Variants in MAML2 observed in about 807,000 individuals in gnomAD.
MAML2 encodes mastermind-like protein 2.
A neutral mutation model predicts 96.1 loss-of-function variants in MAML2; 22 were observed. That is an observed-to-expected ratio of 0.23 (90% CI 0.16 to 0.33). The LOEUF (loss-of-function observed/expected upper bound fraction) is 0.33. MAML2 is among the 10% of genes least tolerant of loss of function. The pLI is 1.00. For missense variants in MAML2, 1,367 were observed against 1,392.4 expected (o/e 0.98, Z 0.29); for synonymous variants, 561 against 521.3 (o/e 1.08, Z -1.04).
At chr11:95,990,198 T>C (rs1169367985) in intron 3 of MAML2, among the ~76,000 whole-genome samples, 1 of 152,212 alleles carries the variant, frequency 6.6e-6, no homozygotes. Flanking sequence ...TTTTATACTT[T>C]TTAGTATATT....
chr11:96,104,839 C>T (rs916151386), intron 1 of MAML2, among the ~76,000 whole-genome samples: 1 of 147,904 alleles, frequency 6.8e-6, no homozygotes, highest in Admixed American at 6.9e-5. Context: ...GGGAGAGGGG[C>T]AATGAAAGGG....
intron 1 of MAML2, among the ~76,000 whole-genome samples, chr11:96,149,028 G>T (rs546826469): frequency 4.3e-4 from 66 of 152,198 alleles, no homozygotes; most frequent in Admixed American, 4.1e-3. Flanking sequence ...CCTCTTAAAG[G>T]TTCCAGTAGC....
intron 1 of MAML2, among the ~76,000 whole-genome samples, chr11:96,339,295 G>A (rs1019420735): frequency 2.6e-5 from 4 of 152,130 alleles, no homozygotes; most frequent in African/African-American, 9.7e-5. Context: ...GTCGGGAAGG[G>A]CCAGACACCG....
At chr11:96,031,247 A>G (rs1858608876) in intron 2 of MAML2, among the ~76,000 whole-genome samples, 1 of 151,952 alleles carries the variant, frequency 6.6e-6, no homozygotes, top group Non-Finnish European at 1.5e-5. Flanking sequence ...TTCTTTTCTC[A>G]CTGGATACCA....
At chr11:96,151,128 G>A (rs1438361626) in intron 1 of MAML2, among the ~76,000 whole-genome samples, 1 of 152,040 alleles carries the variant, frequency 6.6e-6, no homozygotes, top group Admixed American at 6.6e-5. Flanking sequence ...AAACTCCCTC[G>A]TCTAATTTTC....
chr11:95,983,072 C>A (rs1591076287), intron 4 of MAML2, among the ~76,000 whole-genome samples: 1 of 152,056 alleles, frequency 6.6e-6, no homozygotes, highest in Admixed American at 6.5e-5. Context: ...TGTAAAACAG[C>A]CTCAGGCAGG....
In MAML2 at chr11:95,985,604, C is replaced by T. The variant is rs1305141118; in HGVS notation, c.2382G>A (p.Leu794=). 3 of 1,612,554 alleles carry T rather than the reference C, an allele frequency of 1.9e-6. No individual in the cohort carries two copies. The highest frequency in any genetic ancestry group is 2.2e-5 in the South Asian group (2 of 90,896). The change falls in exon 4 of 5, where the codon TTG becomes TTA. Residue 794 remains leucine, a synonymous_variant. Coordinates refer to ENST00000524717, the MANE Select transcript of MAML2 (RefSeq NM_032427.4). ...IAPQDQINRH[L]SRPPPDYKDQ... ...CTTTATAATCTGGAGGTGGCCTTGACAAATGTCGGTTTATCTGATCTTGTG... is the reference window on the plus strand; with the variant it reads ...CTTTATAATCTGGAGGTGGCCTTGATAAATGTCGGTTTATCTGATCTTGTG...
chr11:96,316,664 C>A (rs992206010), intron 1 of MAML2, among the ~76,000 whole-genome samples: 2 of 152,106 alleles, frequency 1.3e-5, no homozygotes, highest in East Asian at 3.8e-4. Flanking sequence ...TACAGGCTTG[C>A]GTAAGGGGCC....
chr11:96,259,058 C>T (rs900800261), intron 1 of MAML2, among the ~76,000 whole-genome samples: 3 of 152,078 alleles, frequency 2.0e-5, no homozygotes, highest in Non-Finnish European at 4.4e-5. Context: ...ACTTAACAAC[C>T]TTATACTATA....
chr11:96,195,185 A>C (rs1044148953), intron 1 of MAML2, among the ~76,000 whole-genome samples: 2 of 152,210 alleles, frequency 1.3e-5, no homozygotes, highest in Admixed American at 6.5e-5. Flanking sequence ...ATATTCATGC[A>C]TTCAAATTAA....
At chr11:96,087,076 G>C (rs1369757887) in intron 2 of MAML2, among the ~76,000 whole-genome samples, 1 of 152,164 alleles carries the variant, frequency 6.6e-6, no homozygotes, top group Non-Finnish European at 1.5e-5. Flanking sequence ...CCCTGAGCAA[G>C]TGATTTGATC....
chr11:95,996,339 T>C (rs1212110107), intron 2 of MAML2, among the ~76,000 whole-genome samples: 1 of 152,202 alleles, frequency 6.6e-6, no homozygotes, highest in Non-Finnish European at 1.5e-5. Context: ...CTAAGATTTA[T>C]AAAAGATCTG....
At chr11:96,150,477 G>C (rs1055356591) in intron 1 of MAML2, among the ~76,000 whole-genome samples, 3 of 152,134 alleles carry the variant, frequency 2.0e-5, no homozygotes, top group African/African-American at 7.2e-5. Context: ...CTAGTAAGGG[G>C]ATGGAGAGAG....
At chr11:96,258,911 C>G (rs1466886212) in intron 1 of MAML2, among the ~76,000 whole-genome samples, 2 of 151,980 alleles carry the variant, frequency 1.3e-5, no homozygotes, top group Admixed American at 1.3e-4. Context: ...GCCTTTTATA[C>G]AGGAAGCTGT....
At chr11:96,228,649 A>G (rs1862247713) in intron 1 of MAML2, among the ~76,000 whole-genome samples, 1 of 152,214 alleles carries the variant, frequency 6.6e-6, no homozygotes, top group African/African-American at 2.4e-5. Context: ...GTCCTCATTC[A>G]AGGACAGGGT....
chr11:96,053,754 G>C (rs1859021977), intron 2 of MAML2, among the ~76,000 whole-genome samples: 2 of 152,202 alleles, frequency 1.3e-5, no homozygotes, highest in African/African-American at 4.8e-5. Context: ...AAGAGGGAAG[G>C]AAGGGGCGAC....
At chr11:96,129,809 T>C (rs1860516608) in intron 1 of MAML2, among the ~76,000 whole-genome samples, 1 of 152,158 alleles carries the variant, frequency 6.6e-6, no homozygotes, top group African/African-American at 2.4e-5. Flanking sequence ...CCCTGGTGTG[T>C]TCCCATCTTT....
chr11:96,283,348 G>A (rs1434693753), intron 1 of MAML2, among the ~76,000 whole-genome samples: 3 of 152,120 alleles, frequency 2.0e-5, no homozygotes, highest in Non-Finnish European at 4.4e-5. Flanking sequence ...ACATTTTTTT[G>A]TAGATGTGTG....
intron 1 of MAML2, among the ~76,000 whole-genome samples, chr11:96,191,788 C>G (rs1305478360): frequency 2.9e-5 from 4 of 135,734 alleles, no homozygotes; most frequent in African/African-American, 1.1e-4. Flanking sequence ...AAAAAAAAAC[C>G]ACAAAAGAAT....
Sources: allele counts gnomAD v4.1 joint callset (sites outside exome capture counted in the v4.1 genomes callset), GRCh38; gene constraint gnomAD v4.1.1; transcripts MANE v1.5; gene names NCBI Gene and HGNC (gene_info 2026-07-23, HGNC 2026-07-21).